ZCCHC7: variants seen among roughly 807,000 people sequenced by gnomAD.
ZCCHC7 encodes zinc finger CCHC-type containing 7, also known as zinc finger CCHC domain-containing protein 7.
ZCCHC7 carries 35 observed loss-of-function variants against 52.0 expected under a neutral mutation model. The ratio of observed to expected loss-of-function variants is 0.67; its 90% CI spans 0.51 to 0.89. ZCCHC7 has a LOEUF of 0.89. Among genes scored for constraint, ZCCHC7 ranks in the 40% least tolerant of loss-of-function variants. The pLI is 0.00. For missense variants in ZCCHC7, 574 were observed against 649.1 expected, an observed-to-expected ratio of 0.88 and a Z score of 1.26; for synonymous variants, 217 against 221.5, an observed-to-expected ratio of 0.98 and a Z score of 0.18.
At chr9:37,335,783 T>G (rs2118351599) in intron 6 of ZCCHC7, among the ~76,000 whole-genome samples, 1 of 152,332 alleles carries the variant, frequency 6.6e-6, no homozygotes, top group East Asian at 1.9e-4. Context: ...TTTCTAATTA[T>G]TTATACTTGT....
intron 2 of ZCCHC7, among the ~76,000 whole-genome samples, chr9:37,259,752 G>A (rs559893579): frequency 6.6e-6 from 1 of 152,108 alleles, no homozygotes; most frequent in African/African-American, 2.4e-5. Flanking sequence ...TTGTAACTTG[G>A]AAGTTGTACA....
At chr9:37,254,793 G>C (rs956952597) in intron 2 of ZCCHC7, among the ~76,000 whole-genome samples, 10 of 140,804 alleles carry the variant, frequency 7.1e-5, no homozygotes, top group African/African-American at 2.6e-4. Flanking sequence ...TTAAAGTGGA[G>C]CATAACATTT....
chr9:37,327,758 T>C (rs775249904), intron 5 of ZCCHC7, 41 bp from the exon 6 acceptor site: 9 of 1,611,856 alleles, frequency 5.6e-6, no homozygotes, highest in African/African-American at 1.3e-5. Flanking sequence ...GTAAAGTACC[T>C]TGTTTCATGC....
intron 6 of ZCCHC7, among the ~76,000 whole-genome samples, chr9:37,343,500 A>G (rs1021991528): frequency 1.3e-5 from 2 of 152,222 alleles, no homozygotes; most frequent in African/African-American, 4.8e-5. Flanking sequence ...GTGTTGTACA[A>G]AGTAGGAACT....
intron 5 of ZCCHC7, among the ~76,000 whole-genome samples, chr9:37,307,740 A>G (rs530905474): frequency 8.0e-5 from 11 of 138,088 alleles, no homozygotes; most frequent in Middle Eastern, 7.0e-3. Context: ...AAAACAGATT[A>G]GAGTATGAGT....
chr9:37,348,265 C>G (rs1442744901), intron 6 of ZCCHC7, among the ~76,000 whole-genome samples: 2 of 152,162 alleles, frequency 1.3e-5, no homozygotes, highest in Non-Finnish European at 2.9e-5. Context: ...CCTTGTTCAC[C>G]CATGTTCAAA....
chr9:37,225,542 C>T (rs911314894), intron 2 of ZCCHC7, among the ~76,000 whole-genome samples: 3 of 151,670 alleles, frequency 2.0e-5, no homozygotes, highest in Admixed American at 6.6e-5. Flanking sequence ...AAATTATTAA[C>T]AAAATATTAG....
chr9:37,250,111 T>G (rs1253244842), intron 2 of ZCCHC7, among the ~76,000 whole-genome samples: 1 of 152,188 alleles, frequency 6.6e-6, no homozygotes, highest in Admixed American at 6.5e-5. Context: ...CTCATAGGGT[T>G]GTTGTGAAGA....
chr9:37,210,176 A>G lies in ZCCHC7; in HGVS notation c.610+83234A>G, dbSNP rs78500741. ...TCTCCCTGGCTTCTTTTTTGTCAGG[A>G]AGGGTGTTGTGTATGTGCACTTTAT... On this transcript the variant is annotated intron_variant, in intron 2 of 8. Coordinates refer to ENST00000336755, the MANE Select transcript of ZCCHC7 (RefSeq NM_032226.3). Among the ~76,000 whole-genome samples, 32 of 152,026 alleles carry G rather than the reference A, an allele frequency of 2.1e-4. 1 individual carries two copies. The East Asian group carries it at 6.2e-3, about 29-fold the overall frequency.
chr9:37,338,240 T>C (rs1830766449), intron 6 of ZCCHC7, among the ~76,000 whole-genome samples: 1 of 152,176 alleles, frequency 6.6e-6, no homozygotes, highest in African/African-American at 2.4e-5. Flanking sequence ...ATAGCTCATT[T>C]TTATAAAACT....
intron 6 of ZCCHC7, among the ~76,000 whole-genome samples, chr9:37,343,102 C>T (rs1415112016): frequency 2.0e-5 from 3 of 152,174 alleles, no homozygotes; most frequent in Admixed American, 6.5e-5. Flanking sequence ...ACGAGAATCT[C>T]GTAACAGTAA....
At chr9:37,177,077 T>C (rs543487366) in intron 2 of ZCCHC7, among the ~76,000 whole-genome samples, 65 of 152,240 alleles carry the variant, frequency 4.3e-4, no homozygotes, top group Non-Finnish European at 7.9e-4. Context: ...TGTGGTGGCT[T>C]ACGCCTGTAA....
intron 2 of ZCCHC7, among the ~76,000 whole-genome samples, chr9:37,276,600 AG>A (rs1321710157): frequency 1.3e-5 from 2 of 152,192 alleles, no homozygotes; most frequent in Non-Finnish European, 2.9e-5. Flanking sequence ...CTCATCATTT[AG>A]GGTGCTCATT....
intron 2 of ZCCHC7, among the ~76,000 whole-genome samples, chr9:37,219,852 A>G (rs892044478): frequency 3.3e-5 from 5 of 152,168 alleles, no homozygotes; most frequent in African/African-American, 9.7e-5. Context: ...TTTTTTGATG[A>G]AATGTAACTT....
intron 6 of ZCCHC7, among the ~76,000 whole-genome samples, chr9:37,348,306 T>C (rs1821129494): frequency 6.6e-6 from 1 of 151,466 alleles, no homozygotes; most frequent in East Asian, 1.9e-4. Flanking sequence ...TTCCTTTCCC[T>C]CATTCCCCAC....
At chr9:37,329,951 G>A (rs1017506357) in intron 6 of ZCCHC7, among the ~76,000 whole-genome samples, 3 of 151,750 alleles carry the variant, frequency 2.0e-5, no homozygotes, top group African/African-American at 7.2e-5. Flanking sequence ...AACCAAAATT[G>A]TCATATTTCT....
At chr9:37,236,394 T>TA (rs1465971329) in intron 2 of ZCCHC7, among the ~76,000 whole-genome samples, 3 of 151,574 alleles carry the variant, frequency 2.0e-5, no homozygotes, top group Non-Finnish European at 4.4e-5. Flanking sequence ...TTTTTTTTTT[T>TA]ATCTGAAGTG....
intron 6 of ZCCHC7, among the ~76,000 whole-genome samples, chr9:37,340,986 CATT>C (rs890785326): frequency 6.6e-6 from 1 of 152,128 alleles, no homozygotes; most frequent in Non-Finnish European, 1.5e-5. Flanking sequence ...TAACTACTGA[CATT>C]ATTCAGATGA....
intron 2 of ZCCHC7, among the ~76,000 whole-genome samples, chr9:37,230,607 T>G (rs1825352901): frequency 6.6e-6 from 1 of 152,124 alleles, no homozygotes; most frequent in Non-Finnish European, 1.5e-5. Flanking sequence ...TAATAAAATA[T>G]ATTTTGAATT....
Sources: allele counts gnomAD v4.1 joint callset (sites outside exome capture counted in the v4.1 genomes callset), GRCh38; gene constraint gnomAD v4.1.1; transcripts MANE v1.5; gene names NCBI Gene and HGNC (gene_info 2026-07-23, HGNC 2026-07-21).